ARHGEF10: variants seen among roughly 807,000 people sequenced by gnomAD.
The protein encoded by ARHGEF10 is Rho guanine nucleotide exchange factor 10.
In ARHGEF10, 140 loss-of-function variants were observed where a neutral mutation model predicts 147.4. The ratio of observed to expected loss-of-function variants is 0.95; its 90% CI spans 0.83 to 1.09. The LOEUF (loss-of-function observed/expected upper bound fraction) is 1.09. ARHGEF10 is among the 50% of genes least tolerant of loss of function. The pLI, the probability that ARHGEF10 is intolerant of heterozygous loss-of-function variation, is 0.00. For missense variants in ARHGEF10, 2,222 were observed against 1,752.7 expected (o/e 1.27, Z -4.78); for synonymous variants, 902 against 695.8 (o/e 1.30, Z -4.67).
chr8:1,888,175 G>GGGGCGAGGGTTTGCGAGGAGACACTT (rs1563233718), intron 11 of ARHGEF10, among the ~76,000 whole-genome samples: 3 of 28,856 alleles, frequency 1.0e-4, no homozygotes, highest in Non-Finnish European at 1.9e-4. Flanking sequence ...AGGAGACAGT[G>GGGGCGAGGGTTTGCGAGGAGACACTT]AGTGGGGTGA....
chr8:1,840,159 C>T (rs1487664994), intron 1 of ARHGEF10, among the ~76,000 whole-genome samples: 13 of 117,978 alleles, frequency 1.1e-4, no homozygotes, highest in Admixed American at 2.7e-4. Context: ...GGGGACTGTC[C>T]GGTGTGCAAG....
chr8:1,924,411 G>A (rs1361349038), intron 21 of ARHGEF10, among the ~76,000 whole-genome samples: 1 of 152,192 alleles, frequency 6.6e-6, no homozygotes, highest in Non-Finnish European at 1.5e-5. Flanking sequence ...TGCTCTGTGT[G>A]TGTGTGTAAT....
At position 1,896,457 on chromosome 8, in the gene ARHGEF10, C is replaced by T. The variant is rs1585440854; in HGVS notation, c.1557+8C>T. On this transcript the variant is annotated splice_region_variant and intron_variant, in intron 14 of 28. Transcript: ENST00000349830. ...TTTCTTGAATTTTTAAAGGTAAGCGCTTTTTTTTTTCATTTGGGTTTTAAC... is the reference window on the plus strand; with the variant it reads ...TTTCTTGAATTTTTAAAGGTAAGCGTTTTTTTTTTTCATTTGGGTTTTAAC... 2.0e-6 allele frequency: 3 copies of T among 1,498,800 alleles called. No individual in the cohort carries two copies. The highest frequency in any genetic ancestry group is 1.8e-6 in the Non-Finnish European group (2 of 1,093,444). The allele number at this position is 1,498,800 out of a possible 1,614,324, so 92.8% of individuals were successfully genotyped here. A position where few individuals can be genotyped will look rare whatever the true frequency, so the allele number is the denominator to read the frequency against.
chr8:1,926,724 C>G (rs1299379505), intron 23 of ARHGEF10: 2 of 536,282 alleles, frequency 3.7e-6, no homozygotes, highest in Non-Finnish European at 6.7e-6. Context: ...CCAGAGACAA[C>G]TAACTAATAA....
intron 18 of ARHGEF10, among the ~76,000 whole-genome samples, chr8:1,915,485 A>G (rs1488688429): frequency 6.6e-6 from 1 of 152,236 alleles, no homozygotes; most frequent in African/African-American, 2.4e-5. Flanking sequence ...CCCCAGGCCC[A>G]GCCTCTGTCT....
intron 2 of ARHGEF10, among the ~76,000 whole-genome samples, chr8:1,844,602 C>T (rs970135940): frequency 1.4e-4 from 22 of 152,122 alleles, no homozygotes; most frequent in Non-Finnish European, 2.4e-4. Context: ...CGCAAGACCA[C>T]GGGGTACGGG....
chr8:1,834,614 G>A (rs193144373), intron 1 of ARHGEF10, among the ~76,000 whole-genome samples: 16 of 152,230 alleles, frequency 1.1e-4, no homozygotes, highest in Middle Eastern at 6.8e-3. Context: ...TCCCCTTTCC[G>A]TAAGCATTGA....
intron 18 of ARHGEF10, among the ~76,000 whole-genome samples, chr8:1,919,138 C>T (rs1157938786): frequency 0.011 from 1,361 of 120,610 alleles, 24 homozygotes; most frequent in African/African-American, 0.042. Flanking sequence ...GGAGCTGTTC[C>T]ATGGGTGATG....
At chr8:1,881,678 G>T (rs1258878765) in intron 9 of ARHGEF10, among the ~76,000 whole-genome samples, 15 of 152,182 alleles carry the variant, frequency 9.9e-5, no homozygotes. Context: ...CAGGAAGGCA[G>T]CCCTCAGGCG....
chr8:1,832,436 A>AGG (rs1803190669), intron 1 of ARHGEF10, among the ~76,000 whole-genome samples: 1 of 148,106 alleles, frequency 6.8e-6, no homozygotes, highest in Non-Finnish European at 1.5e-5. Flanking sequence ...ACAGAGGCAG[A>AGG]CAGAGGCAGA....
intron 2 of ARHGEF10, among the ~76,000 whole-genome samples, chr8:1,847,078 C>T (rs975048865): frequency 6.6e-6 from 1 of 152,106 alleles, no homozygotes; most frequent in Non-Finnish European, 1.5e-5. Flanking sequence ...GTCCCTGTGC[C>T]TTCTCTAGAA....
chr8:1,849,990 A>G (rs1318775958), intron 2 of ARHGEF10, among the ~76,000 whole-genome samples: 3 of 105,870 alleles, frequency 2.8e-5, no homozygotes, highest in Non-Finnish European at 4.0e-5. Context: ...GCATGGACAC[A>G]GAGGGCAAAT....
chr8:1,847,160 G>C (rs1329707699), intron 2 of ARHGEF10, among the ~76,000 whole-genome samples: 2 of 152,230 alleles, frequency 1.3e-5, no homozygotes, highest in Non-Finnish European at 1.5e-5. Flanking sequence ...CACCAGGAAA[G>C]ATTTCAGGCT....
intron 9 of ARHGEF10, among the ~76,000 whole-genome samples, 192 bp downstream of exon 9, chr8:1,880,356 G>A (rs556568388): frequency 6.7e-4 from 102 of 152,316 alleles, no homozygotes; most frequent in African/African-American, 2.4e-3. Flanking sequence ...TCCCTCTTAC[G>A]GGGAACCCAG....
chr8:1,889,774 C>T lies in ARHGEF10; in HGVS notation c.1183-3795C>T, dbSNP rs563981199. On this transcript the variant is annotated intron_variant, in intron 11 of 28. Coordinates refer to ENST00000349830, the MANE Select transcript of ARHGEF10 (RefSeq NM_014629.4). ...GTGGGATGAGGGTTGTGAGGAGACA[C>T]TGAGTGGGGTGAGGGTTGTGAGCAG... Among the ~76,000 whole-genome samples the T allele has an allele frequency of 3.0e-5, 4 of 133,106 alleles. 1 individual carries two copies. The highest frequency in any genetic ancestry group is 1.3e-4 in the African/African-American group (4 of 31,028). 87.3% of individuals were successfully genotyped at this position (133,106 alleles called of 152,430 possible).
intron 1 of ARHGEF10, among the ~76,000 whole-genome samples, chr8:1,833,864 C>T (rs930509725): frequency 6.6e-6 from 1 of 152,226 alleles, no homozygotes; most frequent in Non-Finnish European, 1.5e-5. Context: ...CCTCAGCCTC[C>T]ATTGCGACCA....
intron 11 of ARHGEF10, among the ~76,000 whole-genome samples, chr8:1,889,211 A>G (rs1212975985): frequency 9.1e-6 from 1 of 109,662 alleles, no homozygotes; most frequent in African/African-American, 3.7e-5. Flanking sequence ...ATTAGGAGAC[A>G]CTGAATGGGG....
chr8:1,929,776 G>A (rs1185711157), intron 25 of ARHGEF10, among the ~76,000 whole-genome samples: 2 of 152,194 alleles, frequency 1.3e-5, no homozygotes, highest in Non-Finnish European at 2.9e-5. Context: ...TGAGCAGCCT[G>A]CCCGCCCGGC....
intron 26 of ARHGEF10, among the ~76,000 whole-genome samples, chr8:1,945,184 G>A (rs1343071165): frequency 2.0e-5 from 3 of 152,190 alleles, no homozygotes; most frequent in Non-Finnish European, 4.4e-5. Flanking sequence ...GCCTCCCCTC[G>A]CCAGCCTGCC....
Sources: gnomAD v4.1 joint callset for allele counts (sites outside exome capture counted in the v4.1 genomes callset) on GRCh38, gnomAD v4.1.1 for gene constraint, MANE v1.5 for transcripts, NCBI Gene and HGNC (gene_info 2026-07-23, HGNC 2026-07-21) for gene names.